The following KLHL4 variants were observed in gnomAD, a reference collection of about 807,000 sequenced individuals.
KLHL4 encodes kelch-like protein 4.
Under a neutral mutation model 45.8 loss-of-function variants are expected in KLHL4, and 17 were observed. The ratio of observed to expected loss-of-function variants is 0.37; its 90% CI spans 0.25 to 0.56. The LOEUF is 0.56. Among genes scored for constraint, KLHL4 ranks in the 20% least tolerant of loss-of-function variants. The pLI is 0.79. For synonymous variants in KLHL4, 224 were observed against 189.9 expected (o/e 1.18, Z -1.47); for missense variants, 544 against 544.9 (o/e 1.00, Z 0.02).
intron 1 of KLHL4, among the ~76,000 whole-genome samples, chrX:87,585,045 C>G (rs6614699): frequency 0.24 from 26,885 of 109,929 alleles, 2,792 homozygotes; most frequent in East Asian, 0.5. Context: ...TCAGTGGAAG[C>G]CTTACAGGCC....
intron 1 of KLHL4, among the ~76,000 whole-genome samples, chrX:87,611,113 C>A (rs1014823985): frequency 9.0e-6 from 1 of 111,013 alleles, no homozygotes; most frequent in South Asian, 3.8e-4. Flanking sequence ...AATATAAATT[C>A]TATTTAAATT....
intron 1 of KLHL4, among the ~76,000 whole-genome samples, chrX:87,587,054 T>C (rs1921498574): frequency 1.0e-5 from 1 of 100,122 alleles, no homozygotes; most frequent in Admixed American, 1.2e-4. Context: ...ACATAAAACC[T>C]ACCAAGATTG....
chrX:87,524,624 T>C (rs1239876990), intron 1 of KLHL4, among the ~76,000 whole-genome samples: 1 of 111,098 alleles, frequency 9.0e-6, no homozygotes, highest in African/African-American at 3.3e-5. Context: ...TGAGAAACTG[T>C]CACAATCAAG....
At chrX:87,658,631 C>T (rs746734625) in intron 9 of KLHL4, among the ~76,000 whole-genome samples, 5 of 111,506 alleles carry the variant, frequency 4.5e-5, no homozygotes, top group Non-Finnish European at 9.4e-5. Flanking sequence ...CCACCGAACC[C>T]ACAGCACAGG....
At chrX:87,591,357 A>C in intron 1 of KLHL4, among the ~76,000 whole-genome samples, 1 of 112,166 alleles carries the variant, frequency 8.9e-6, no homozygotes, top group Admixed American at 9.5e-5. Context: ...TACTCGTATA[A>C]ATTTAAGGAG....
At chrX:87,644,752 A>G (rs7057812) in intron 9 of KLHL4, among the ~76,000 whole-genome samples, 5,956 of 110,899 alleles carry the variant, frequency 0.054, 391 homozygotes, top group African/African-American at 0.18. Context: ...ATAAACTCAA[A>G]TGCAGCCAAC....
intron 9 of KLHL4, among the ~76,000 whole-genome samples, chrX:87,644,392 A>G (rs1308380659): frequency 1.8e-5 from 2 of 111,594 alleles, no homozygotes; most frequent in African/African-American, 6.5e-5. Context: ...AATACTGCTG[A>G]AAGAAACCAT....
chrX:87,543,145 C>A (rs982995219), intron 1 of KLHL4, among the ~76,000 whole-genome samples: 1 of 111,440 alleles, frequency 9.0e-6, no homozygotes, highest in Admixed American at 9.6e-5. Flanking sequence ...GAGGCCTCCC[C>A]AGCCATTTGG....
chrX:87,606,431 A>ATC (rs1922199372), intron 1 of KLHL4, among the ~76,000 whole-genome samples: 1 of 111,554 alleles, frequency 9.0e-6, no homozygotes, highest in African/African-American at 3.3e-5. Context: ...TATCAATGAA[A>ATC]TTAAGAATTG....
intron 1 of KLHL4, among the ~76,000 whole-genome samples, chrX:87,581,585 G>A (rs1254287452): frequency 3.6e-5 from 4 of 112,417 alleles, no homozygotes; most frequent in Non-Finnish European, 7.5e-5. Flanking sequence ...AAACATAGGT[G>A]ACTAAAATAT....
chrX:87,639,283 A>G, intron 9 of KLHL4, among the ~76,000 whole-genome samples: 1 of 111,530 alleles, frequency 9.0e-6, no homozygotes, highest in Non-Finnish European at 1.9e-5. Flanking sequence ...AGCACTAGAC[A>G]GGTCATCAAG....
At chrX:87,551,754 T>C (rs1931829847) in intron 1 of KLHL4, among the ~76,000 whole-genome samples, 1 of 111,080 alleles carries the variant, frequency 9.0e-6, no homozygotes, top group Non-Finnish European at 1.9e-5. Context: ...ATCAAAATAT[T>C]TACAGCCAAC....
At chrX:87,539,955 T>G (rs1931515850) in intron 1 of KLHL4, among the ~76,000 whole-genome samples, 1 of 111,812 alleles carries the variant, frequency 8.9e-6, no homozygotes, top group African/African-American at 3.2e-5. Flanking sequence ...AGCCTACACA[T>G]GTAGGCTATA....
chrX:87,622,381 G>A lies in KLHL4; in HGVS notation c.1095G>A (p.Gly365=). The A allele has an allele frequency of 2.5e-6, 3 of 1,206,633 alleles. No homozygotes were observed. The highest frequency in any genetic ancestry group is 3.5e-5 in the African/African-American group (2 of 57,672). ...HDVQNRQGEL[G]MLLSYIRLPL... ...TGCAGAATAGGCAAGGAGAACTGGG[G>A]ATGCTGCTTTCTTACATCAGACTGC... The change falls in exon 5 of 11, where the codon GGG becomes GGA. Residue 365 remains glycine, a synonymous_variant. Transcript: ENST00000373119.
At chrX:87,546,302 T>C (rs1011416491) in intron 1 of KLHL4, among the ~76,000 whole-genome samples, 8 of 111,511 alleles carry the variant, frequency 7.2e-5, no homozygotes, top group Admixed American at 1.9e-4. Flanking sequence ...CTGCATTTAG[T>C]CCATGGTAAA....
intron 1 of KLHL4, among the ~76,000 whole-genome samples, chrX:87,571,706 T>C (rs941454113): frequency 1.9e-4 from 21 of 111,568 alleles, no homozygotes; most frequent in African/African-American, 6.1e-4. Flanking sequence ...TCCTTTATGT[T>C]TATGATTTTA....
chrX:87,589,550 C>G (rs1012131982), intron 1 of KLHL4, among the ~76,000 whole-genome samples: 2 of 111,483 alleles, frequency 1.8e-5, no homozygotes, highest in Non-Finnish European at 3.8e-5. Context: ...GTGAAATAAG[C>G]CAGGCACAGA....
At chrX:87,528,560 T>C (rs5969232) in intron 1 of KLHL4, among the ~76,000 whole-genome samples, 28,105 of 107,055 alleles carry the variant, frequency 0.26, 3,087 homozygotes, top group East Asian at 0.54. Context: ...ACTAAAAGTA[T>C]AAAAATTAGC....
At chrX:87,592,027 G>A (rs1349784481) in intron 1 of KLHL4, among the ~76,000 whole-genome samples, 3 of 105,581 alleles carry the variant, frequency 2.8e-5, no homozygotes, top group African/African-American at 7.0e-5. Flanking sequence ...TTGCCAGCCC[G>A]TAGTAGCCAT....
Sources: allele counts gnomAD v4.1 joint callset (sites outside exome capture counted in the v4.1 genomes callset), GRCh38; gene constraint gnomAD v4.1.1; transcripts MANE v1.5; gene names NCBI Gene and HGNC (gene_info 2026-07-23, HGNC 2026-07-21).